Variants in PRKCA observed in about 807,000 individuals in gnomAD.
The protein encoded by PRKCA is protein kinase C alpha type.
In PRKCA, 27 loss-of-function variants were observed where a neutral mutation model predicts 87.0. The observed-to-expected ratio is 0.31, with a 90% CI of 0.23 to 0.43. PRKCA has a LOEUF of 0.43. Ranked by LOEUF, PRKCA falls within the 20% of genes least tolerant of loss-of-function variation. The pLI is 1.00. For missense variants in PRKCA, 518 were observed against 852.3 expected (o/e 0.61, Z 4.88); for synonymous variants, 329 against 311.1 (o/e 1.06, Z -0.61).
chr17:66,359,048 TTGC>T, intron 2 of PRKCA, among the ~76,000 whole-genome samples: 1 of 152,142 alleles, frequency 6.6e-6, no homozygotes, highest in Admixed American at 6.5e-5. Flanking sequence ...CATGGGCTGA[TTGC>T]TTTTTTATTT....
chr17:66,684,236 C>T (rs897945640), intron 5 of PRKCA, among the ~76,000 whole-genome samples: 6 of 152,190 alleles, frequency 3.9e-5, no homozygotes, highest in South Asian at 4.1e-4. Context: ...GTGCTCTCAC[C>T]GAGTGCCTAT....
intron 8 of PRKCA, among the ~76,000 whole-genome samples, chr17:66,725,429 T>C (rs1973721648): frequency 6.6e-6 from 1 of 152,160 alleles, no homozygotes; most frequent in South Asian, 2.1e-4. Context: ...CCTGATATAG[T>C]GCTTGGTCTC....
intron 5 of PRKCA, among the ~76,000 whole-genome samples, chr17:66,659,957 C>T (rs887515114): frequency 2.0e-5 from 3 of 152,136 alleles, no homozygotes; most frequent in African/African-American, 4.8e-5. Context: ...AGGTTACAGT[C>T]GAAGTCATTC....
chr17:66,332,631 A>G (rs1906404680), intron 2 of PRKCA, among the ~76,000 whole-genome samples: 1 of 152,010 alleles, frequency 6.6e-6, no homozygotes, highest in Non-Finnish European at 1.5e-5. Context: ...ACCATCATCC[A>G]CATTAGGTCC....
intron 2 of PRKCA, among the ~76,000 whole-genome samples, chr17:66,393,421 A>T (rs1055360843): frequency 6.6e-6 from 1 of 152,102 alleles, no homozygotes; most frequent in Non-Finnish European, 1.5e-5. Context: ...ACACACACAC[A>T]CATCACATTT....
At chr17:66,696,489 T>C (rs1005933781) in intron 8 of PRKCA, 2 of 152,214 alleles carry the variant, frequency 1.3e-5, no homozygotes, top group African/African-American at 4.8e-5. Flanking sequence ...TTCACTTACG[T>C]AAGTTGCTTA....
intron 13 of PRKCA, among the ~76,000 whole-genome samples, chr17:66,747,646 C>G (rs1450759607): frequency 3.3e-5 from 5 of 152,184 alleles, no homozygotes; most frequent in Admixed American, 2.6e-4. Flanking sequence ...TGCATTGTCT[C>G]CATAGATATG....
intron 5 of PRKCA, among the ~76,000 whole-genome samples, chr17:66,684,660 T>G (rs919253061): frequency 6.6e-6 from 1 of 152,236 alleles, no homozygotes; most frequent in Non-Finnish European, 1.5e-5. Flanking sequence ...CGAAGAGATC[T>G]TACTTAAATG....
At chr17:66,334,715 A>G (rs1019749367) in intron 2 of PRKCA, among the ~76,000 whole-genome samples, 3 of 152,220 alleles carry the variant, frequency 2.0e-5, no homozygotes, top group Non-Finnish European at 4.4e-5. Context: ...TCAAAACATT[A>G]AACATAGAAT....
At chr17:66,692,994 C>T (rs1567979570) in intron 8 of PRKCA, among the ~76,000 whole-genome samples, 2 of 152,302 alleles carry the variant, frequency 1.3e-5, no homozygotes, top group South Asian at 2.1e-4. Context: ...ATGCAGTTTT[C>T]GAATCCTTCT....
At position 66,693,922 on chromosome 17, in the gene PRKCA, G is replaced by C. The variant is rs529732907; in HGVS notation, c.918+4875G>C. Among the ~76,000 whole-genome samples, 39 of 152,300 alleles carry C rather than the reference G, an allele frequency of 2.6e-4. 1 individual carries two copies. Among genetic ancestry groups the C allele is most frequent in the Admixed American group, 2.2e-3 (34 of 15,304 alleles). ...CTTCTGGTTTAGCCCGTAGGCTCTA[G>C]AATCAAATCCTAGTTTAGTCACTTA... is the stretch of plus-strand genomic sequence containing the variant. On this transcript the variant is annotated intron_variant, in intron 8 of 16. Transcript: ENST00000413366.
intron 3 of PRKCA, among the ~76,000 whole-genome samples, chr17:66,504,864 T>C (rs1036994550): frequency 6.6e-6 from 1 of 152,130 alleles, no homozygotes; most frequent in African/African-American, 2.4e-5. Context: ...GTGCCTACAC[T>C]CAGGTGACAT....
intron 3 of PRKCA, among the ~76,000 whole-genome samples, chr17:66,609,480 C>A (rs965954491): frequency 3.3e-5 from 5 of 152,178 alleles, no homozygotes; most frequent in African/African-American, 1.2e-4. Context: ...TTGCCTATTG[C>A]CAATCATCGA....
intron 2 of PRKCA, among the ~76,000 whole-genome samples, chr17:66,359,650 A>G (rs1312350996): frequency 1.3e-5 from 2 of 152,228 alleles, no homozygotes; most frequent in African/African-American, 2.4e-5. Context: ...CAGATTATCC[A>G]GAGGGGTAAG....
rs756304231 is a variant in PRKCA, at chr17:66,689,538, C to T, written c.918+491C>T. 5.9e-5 allele frequency among the ~76,000 whole-genome samples: 9 copies of T among 152,146 alleles called. No homozygotes were observed. Among genetic ancestry groups the T allele is most frequent in the Non-Finnish European group, 1.0e-4 (7 of 68,034 alleles). On this transcript the variant is annotated intron_variant, in intron 8 of 16. Transcript: ENST00000413366. This position sits in a 1 kb window ranked among gnomAD's most constrained non-coding sequence, Gnocchi z 4.1. Reference sequence around the variant, plus strand: ...AACAAATATGCCTTTGTGTGTGATCCCTTTTTATTTATGCTCCAGATGTTT... The same window carrying T: ...AACAAATATGCCTTTGTGTGTGATCTCTTTTTATTTATGCTCCAGATGTTT...
At chr17:66,440,673 C>T (rs1451404796) in intron 2 of PRKCA, among the ~76,000 whole-genome samples, 2 of 152,202 alleles carry the variant, frequency 1.3e-5, no homozygotes, top group East Asian at 1.9e-4. Context: ...GCCTGGACAA[C>T]CCACAGACCG....
intron 2 of PRKCA, among the ~76,000 whole-genome samples, chr17:66,357,384 A>G (rs905934193): frequency 1.3e-5 from 2 of 152,240 alleles, no homozygotes; most frequent in African/African-American, 4.8e-5. Flanking sequence ...TGAGTTGTTA[A>G]GAATAATGAG....
intron 2 of PRKCA, among the ~76,000 whole-genome samples, chr17:66,317,097 A>G (rs1905360063): frequency 6.6e-6 from 1 of 151,524 alleles, no homozygotes; most frequent in African/African-American, 2.4e-5. Context: ...AGCGGAGATC[A>G]CGCCACTGCA....
intron 2 of PRKCA, among the ~76,000 whole-genome samples, chr17:66,345,732 A>G (rs1428602955): frequency 6.6e-6 from 1 of 152,236 alleles, no homozygotes; most frequent in Non-Finnish European, 1.5e-5. Context: ...GGAAAAATAT[A>G]TAGAAGCAGT....
Sources: allele counts gnomAD v4.1 joint callset (sites outside exome capture counted in the v4.1 genomes callset), GRCh38; gene constraint gnomAD v4.1.1; non-coding constraint Gnocchi (gnomAD v3.1); transcripts MANE v1.5; gene names NCBI Gene and HGNC (gene_info 2026-07-23, HGNC 2026-07-21).